The following PKP2 variants were observed in gnomAD, a reference collection of about 807,000 sequenced individuals.
PKP2 encodes plakophilin-2.
PKP2 carries 73 observed loss-of-function variants against 83.4 expected under a neutral mutation model. That is an observed-to-expected ratio of 0.88 (90% CI 0.72 to 1.06). PKP2 has a LOEUF of 1.06. PKP2 is among the 50% of genes least tolerant of loss of function. PKP2 has a pLI of 0.00. For missense variants in PKP2, 966 were observed against 1,065.4 expected (o/e 0.91, Z 1.30); for synonymous variants, 409 against 430.4 (o/e 0.95, Z 0.62).
chr12:32,879,300 A>T (rs372857936), intron 1 of PKP2, among the ~76,000 whole-genome samples: 8 of 152,344 alleles, frequency 5.3e-5, no homozygotes, highest in East Asian at 1.9e-4. Flanking sequence ...TGGGAGGCAG[A>T]GGCAGGTGGA....
At chr12:32,853,097 C>A (rs1247499952) in intron 4 of PKP2, among the ~76,000 whole-genome samples, 1 of 151,980 alleles carries the variant, frequency 6.6e-6, no homozygotes, top group Non-Finnish European at 1.5e-5. Context: ...AAAAATATTT[C>A]TTAGCTGTCA....
intron 11 of PKP2, among the ~76,000 whole-genome samples, chr12:32,794,445 C>A (rs1956103140): frequency 6.6e-6 from 1 of 152,174 alleles, no homozygotes. Context: ...GCAGCAGACA[C>A]CACTGGCAAG....
At chr12:32,793,117 T>C (rs1019676992) in intron 11 of PKP2, among the ~76,000 whole-genome samples, 1 of 152,072 alleles carries the variant, frequency 6.6e-6, no homozygotes, top group East Asian at 1.9e-4. Flanking sequence ...AGTGTGTGCC[T>C]GTAATCCCAG....
chr12:32,816,080 TA>T (rs558620321), intron 9 of PKP2, among the ~76,000 whole-genome samples: 313 of 152,250 alleles, frequency 2.1e-3, no homozygotes, highest in African/African-American at 7.1e-3. Context: ...TATTGGCCTT[TA>T]AAAAAAATTT....
intron 4 of PKP2, among the ~76,000 whole-genome samples, chr12:32,862,470 A>T (rs1225852720): frequency 6.6e-6 from 1 of 151,668 alleles, no homozygotes; most frequent in Non-Finnish European, 1.5e-5. Context: ...AACATGGAGA[A>T]ACCCCATCTC....
intron 6 of PKP2, among the ~76,000 whole-genome samples, chr12:32,828,210 A>G (rs1956461200): frequency 6.6e-6 from 1 of 152,188 alleles, no homozygotes; most frequent in South Asian, 2.1e-4. Context: ...GGAGCTTCAC[A>G]TATTTAGGGG....
intron 5 of PKP2, among the ~76,000 whole-genome samples, chr12:32,847,504 G>A (rs964083087): frequency 1.8e-4 from 27 of 152,250 alleles, no homozygotes; most frequent in African/African-American, 6.0e-4. Flanking sequence ...AAGAGGAAGC[G>A]TGATTCAATG....
At chr12:32,847,946 CA>C (rs1189579191) in intron 5 of PKP2, among the ~76,000 whole-genome samples, 3 of 151,938 alleles carry the variant, frequency 2.0e-5, no homozygotes, top group Non-Finnish European at 2.9e-5. Context: ...AAAACAAAAA[CA>C]AAAAAACCCC....
chr12:32,881,988 G>C (rs1339354004), intron 1 of PKP2, among the ~76,000 whole-genome samples: 1 of 152,142 alleles, frequency 6.6e-6, no homozygotes, highest in Non-Finnish European at 1.5e-5. Context: ...GAGTCCGGGG[G>C]CCAGAGTACC....
chr12:32,878,324 C>T lies in PKP2; in HGVS notation c.556G>A (p.Ala186Thr), dbSNP rs776770393. The change falls in exon 3 of 13, where the codon GCC (alanine) becomes ACC (threonine). Residue 186 changes from alanine to threonine, a missense_variant. Physicochemically the swap from Ala to Thr is moderately conservative, Grantham distance 58. Coordinates refer to ENST00000340811, the MANE Select transcript of PKP2 (RefSeq NM_001005242.3). ...HTLHHQESRR[A>T]ALLVPPRYAR... ...TATCTCGGTGGCACTAGGAGGGCGG[C>T]CCGCCTGCTTTCTTGGTGGTGCAGG... The T allele has an allele frequency of 1.2e-6, 2 of 1,611,928 alleles. No homozygotes were observed. The highest frequency in any genetic ancestry group is 1.1e-5 in the South Asian group (1 of 91,012).
chr12:32,844,649 G>T (rs1356689336), intron 5 of PKP2, among the ~76,000 whole-genome samples: 1 of 152,180 alleles, frequency 6.6e-6, no homozygotes, highest in Non-Finnish European at 1.5e-5. Context: ...AGAACTACTT[G>T]TAAGACCCAG....
intron 10 of PKP2, among the ~76,000 whole-genome samples, chr12:32,798,265 T>A (rs1157094366): frequency 1.3e-5 from 2 of 151,712 alleles, no homozygotes; most frequent in Admixed American, 6.6e-5. Context: ...TTTGTATATT[T>A]TTTTTTTCAG....
In PKP2 at chr12:32,796,177, G is replaced by C; in HGVS notation, c.2289C>G (p.Tyr763Ter). The C allele has an allele frequency of 1.2e-6, 2 of 1,614,042 alleles. No individual in the cohort carries two copies. The highest frequency in any genetic ancestry group is 1.3e-5 in the African/African-American group (1 of 75,006). The part of the protein sequence containing the change: ...YTLNNIIQNS[Y>*]QNARDLLNTG... ...TGTTTAGAAGGTCGCGTGCATTCTGGTAACTGTTTTGGATTATGTTGTTCA... is the reference window on the plus strand; with the variant it reads ...TGTTTAGAAGGTCGCGTGCATTCTGCTAACTGTTTTGGATTATGTTGTTCA... Residue 763 changes from tyrosine to a stop codon, truncating the protein, a stop_gained, in exon 11 of 13, where the codon TAC (tyrosine) becomes TAG (stop). Transcript: ENST00000340811. LOFTEE classifies it high-confidence loss of function.
intron 1 of PKP2, among the ~76,000 whole-genome samples, chr12:32,883,421 A>G (rs945403825): frequency 3.3e-5 from 5 of 152,348 alleles, no homozygotes; most frequent in Non-Finnish European, 4.4e-5. Context: ...ACTAATAAGG[A>G]TGGAAATGAA....
At chr12:32,851,760 G>A (rs1234191257) in intron 4 of PKP2, among the ~76,000 whole-genome samples, 3 of 152,156 alleles carry the variant, frequency 2.0e-5, no homozygotes, top group Non-Finnish European at 4.4e-5. Flanking sequence ...GAGCCACTGC[G>A]CCCGGCCACT....
In PKP2 at chr12:32,824,270, A is replaced by C. The variant is rs1459830755; in HGVS notation, c.1557-108T>G. ...TCTTCCAGGTGTTTGGAAACTGGCA[A>C]ATTTGTAAAAGTGTGGCAGACTTGC... On this transcript the variant is annotated intron_variant, in intron 6 of 12. Transcript: ENST00000340811. 3.7e-6 allele frequency: 3 copies of C among 804,524 alleles called. No homozygotes were observed. In the East Asian group the frequency reaches 7.4e-5, roughly 20 times the overall value. The allele number at this position is 804,524 out of a possible 1,614,324, so 49.8% of individuals were successfully genotyped here. A position where few individuals can be genotyped will look rare whatever the true frequency, so the allele number is the denominator to read the frequency against.
chr12:32,830,122 G>A (rs1956485265), intron 6 of PKP2, among the ~76,000 whole-genome samples: 1 of 152,214 alleles, frequency 6.6e-6, no homozygotes, highest in Admixed American at 6.5e-5. Flanking sequence ...TAAACACTTG[G>A]TAGGCAAAGT....
At position 32,824,143 on chromosome 12, in the gene PKP2, C is replaced by T. The variant is rs558637427; in HGVS notation, c.1576G>A (p.Ala526Thr). 5.5e-5 allele frequency: 88 copies of T among 1,611,870 alleles called. No individual in the cohort carries two copies. Among genetic ancestry groups the T allele is most frequent in the South Asian group, 2.1e-4 (19 of 91,042 alleles). The change falls in exon 7 of 13, where the codon GCT becomes ACT. Residue 526 changes from alanine (A) to threonine (T), a missense_variant. Ala to Thr is a moderately conservative substitution (Grantham distance 58). Coordinates refer to ENST00000340811, the MANE Select transcript of PKP2 (RefSeq NM_001005242.3). ...GCLRNMSSAG[A>T]DGRKAMRRCD... Reference sequence around the variant, plus strand: ...CTTCTCATCGCTTTTCTCCCATCAGCGCCAGCAGAACTCATGTTTCTATCA... The same window carrying T: ...CTTCTCATCGCTTTTCTCCCATCAGTGCCAGCAGAACTCATGTTTCTATCA...
At chr12:32,861,650 T>C (rs1036210544) in intron 4 of PKP2, among the ~76,000 whole-genome samples, 8 of 152,300 alleles carry the variant, frequency 5.3e-5, no homozygotes, top group African/African-American at 1.9e-4. Flanking sequence ...TTTTCTAATT[T>C]TGATGCAAAG....
Sources: allele counts gnomAD v4.1 joint callset (sites outside exome capture counted in the v4.1 genomes callset), GRCh38; gene constraint gnomAD v4.1.1; transcripts MANE v1.5; gene names NCBI Gene and HGNC (gene_info 2026-07-23, HGNC 2026-07-21).